The following CLVS2 variants were observed in gnomAD, a reference collection of about 807,000 sequenced individuals.
CLVS2 encodes clavesin-2.
In CLVS2, 19 loss-of-function variants were observed where a neutral mutation model predicts 29.0. The observed-to-expected ratio is 0.66, with a 90% CI of 0.46 to 0.96. The LOEUF (loss-of-function observed/expected upper bound fraction) is 0.96. Ranked by LOEUF, CLVS2 falls within the 40% of genes least tolerant of loss-of-function variation. CLVS2 has a pLI of 0.00. For synonymous variants in CLVS2, 161 were observed against 151.3 expected, an observed-to-expected ratio of 1.06 and a Z score of -0.47; for missense variants, 294 against 404.1, an observed-to-expected ratio of 0.73 and a Z score of 2.34.
At chr6:123,052,578 G>A (rs1368428477) in intron 4 of CLVS2, among the ~76,000 whole-genome samples, 1 of 152,162 alleles carries the variant, frequency 6.6e-6, no homozygotes, top group African/African-American at 2.4e-5. Flanking sequence ...ACACCTGAAA[G>A]GATAGTAGCT....
At chr6:123,037,410 T>C (rs976923155) in intron 3 of CLVS2, among the ~76,000 whole-genome samples, 1 of 152,170 alleles carries the variant, frequency 6.6e-6, no homozygotes, top group Non-Finnish European at 1.5e-5. Flanking sequence ...ACCCTGCCAG[T>C]ACTAACAGCT....
intron 3 of CLVS2, among the ~76,000 whole-genome samples, chr6:123,021,917 T>C (rs1049128651): frequency 6.6e-6 from 1 of 152,078 alleles, no homozygotes; most frequent in Non-Finnish European, 1.5e-5. Flanking sequence ...TATGTATCTT[T>C]CCTGGTTCTT....
In CLVS2 at chr6:123,071,050, C is replaced by T. The variant is rs754003972; in HGVS notation, c.*7289C>T. 8.6e-5 allele frequency: 13 copies of T among 151,900 alleles called. No homozygotes were observed. The highest frequency in any genetic ancestry group is 7.9e-4 in the Admixed American group (12 of 15,222). 9.4% of individuals were successfully genotyped at this position (151,900 alleles called of 1,614,324 possible). ...ATTTCCTCTCCATAGCATTTATCAC[C>T]TGATACACCATACAGATTATTTATT... is the stretch of plus-strand genomic sequence containing the variant. On this transcript the variant is annotated 3_prime_UTR_variant, in exon 6 of 6. Transcript: ENST00000275162.
chr6:123,028,442 T>C (rs1267392593), intron 3 of CLVS2, among the ~76,000 whole-genome samples: 1 of 152,184 alleles, frequency 6.6e-6, no homozygotes, highest in Non-Finnish European at 1.5e-5. Flanking sequence ...AGCGGATTGC[T>C]TGAGCCCAAA....
At position 123,047,554 on chromosome 6, in the gene CLVS2, C is replaced by A. The variant is rs560896593; in HGVS notation, c.565-1068C>A. ...TGCTCGTAAGTGTCCAAAATAAAAA[C>A]AAAATATTTTTATAGGGTTATGCCC... On this transcript the variant is annotated intron_variant, in intron 3 of 5. Transcript: ENST00000275162. 4.6e-5 allele frequency among the ~76,000 whole-genome samples: 7 copies of A among 152,110 alleles called. No individual in the cohort carries two copies. In the South Asian group the frequency reaches 1.5e-3, roughly 32 times the overall value.
In CLVS2 at chr6:122,996,704, G is replaced by T; in HGVS notation, c.-602G>T. 1 of 167,932 alleles carries T rather than the reference G, an allele frequency of 6.0e-6. No individual in the cohort carries two copies. 10.4% of individuals were successfully genotyped at this position (167,932 alleles called of 1,614,324 possible). A position where few individuals can be genotyped will look rare whatever the true frequency, so the allele number is the denominator to read the frequency against. On this transcript the variant is annotated 5_prime_UTR_variant, in exon 1 of 6. In the 5' UTR this introduces an upstream ATG that the reference lacks. Transcript: ENST00000275162. ...CTGAAGCCGCGGCTGATGGATGCCA[G>T]GGAGTGCCGCATTGCTTAGCGACCC...
chr6:123,057,864 C>G (rs144545285), intron 5 of CLVS2, among the ~76,000 whole-genome samples: 97 of 152,280 alleles, frequency 6.4e-4, no homozygotes, highest in African/African-American at 2.1e-3. Context: ...GATCTCTGCT[C>G]TCCTAAGGGG....
chr6:123,043,907 A>G (rs1481473811), intron 3 of CLVS2, among the ~76,000 whole-genome samples: 11 of 152,262 alleles, frequency 7.2e-5, no homozygotes, highest in Non-Finnish European at 1.6e-4. Flanking sequence ...ATAGTTAGAT[A>G]TGTGAGGCAA....
chr6:123,013,364 CAGTT>C (rs1246178763), intron 3 of CLVS2, among the ~76,000 whole-genome samples: 1 of 151,958 alleles, frequency 6.6e-6, no homozygotes, highest in African/African-American at 2.4e-5. Flanking sequence ...AAACCTCTTC[CAGTT>C]AGTCAGTAAA....
intron 3 of CLVS2, among the ~76,000 whole-genome samples, chr6:123,011,383 A>G (rs1218186538): frequency 1.3e-5 from 2 of 152,084 alleles, no homozygotes; most frequent in African/African-American, 4.8e-5. Context: ...CTAAACAAAT[A>G]CAGGTAATGA....
At chr6:123,049,789 G>T (rs1302865407) in intron 4 of CLVS2, among the ~76,000 whole-genome samples, 1 of 142,404 alleles carries the variant, frequency 7.0e-6, no homozygotes, top group East Asian at 2.0e-4. Flanking sequence ...TCACACACCG[G>T]GGCCTGTTGT....
In CLVS2 at chr6:123,063,765, C is replaced by G. The variant is rs1772813328; in HGVS notation, c.*4C>G. The G allele has an allele frequency of 6.4e-7, 1 of 1,574,650 alleles. No individual in the cohort carries two copies. Among genetic ancestry groups the G allele is most frequent in the Non-Finnish European group, 8.7e-7 (1 of 1,144,634 alleles). On this transcript the variant is annotated 3_prime_UTR_variant, in exon 6 of 6. Transcript: ENST00000275162. Reference sequence around the variant, plus strand: ...ACCATTGCTTTCTCTGGACTAATAACTTCTCTACATCCCCTTCATGGATTA... The same window carrying G: ...ACCATTGCTTTCTCTGGACTAATAAGTTCTCTACATCCCCTTCATGGATTA...
chr6:123,045,286 G>A (rs1171486133), intron 3 of CLVS2, among the ~76,000 whole-genome samples: 1 of 151,968 alleles, frequency 6.6e-6, no homozygotes, highest in East Asian at 1.9e-4. Flanking sequence ...TTAATACTGG[G>A]AGTTAGTGTT....
At chr6:123,062,737 T>C (rs1772796201) in intron 5 of CLVS2, among the ~76,000 whole-genome samples, 1 of 152,230 alleles carries the variant, frequency 6.6e-6, no homozygotes, top group Non-Finnish European at 1.5e-5. Flanking sequence ...TTATAGTCTT[T>C]TCAGAAGTTA....
chr6:123,049,224 A>G lies in CLVS2; in HGVS notation c.675+492A>G, dbSNP rs561140858. ...AGAATGCTAATGTGTGGAAATTTTA[A>G]TATTTCTTTAAATTATATGTTACTT... On this transcript the variant is annotated intron_variant, in intron 4 of 5. Coordinates refer to ENST00000275162, the MANE Select transcript of CLVS2 (RefSeq NM_001010852.4). Among the ~76,000 whole-genome samples the G allele has an allele frequency of 7.2e-5, 11 of 152,280 alleles. No individual in the cohort carries two copies. In the South Asian group the frequency reaches 2.1e-3, roughly 29 times the overall value.
At chr6:123,009,608 C>T (rs1451400391) in intron 2 of CLVS2, among the ~76,000 whole-genome samples, 1 of 152,034 alleles carries the variant, frequency 6.6e-6, no homozygotes, top group East Asian at 1.9e-4. Context: ...ATGATTTCGA[C>T]TCCTAATCCA....
chr6:123,001,334 A>G (rs1403840262), intron 2 of CLVS2, among the ~76,000 whole-genome samples: 1 of 152,182 alleles, frequency 6.6e-6, no homozygotes, highest in South Asian at 2.1e-4. Context: ...TTTGAGAGAC[A>G]TGGCATCATT....
chr6:123,044,173 C>T (rs1775275109), intron 3 of CLVS2, among the ~76,000 whole-genome samples: 1 of 152,182 alleles, frequency 6.6e-6, no homozygotes, highest in African/African-American at 2.4e-5. Context: ...CTTGGCTGCA[C>T]TCTTCCTGAT....
intron 3 of CLVS2, among the ~76,000 whole-genome samples, chr6:123,020,005 T>C (rs1472201478): frequency 6.6e-6 from 1 of 151,948 alleles, no homozygotes; most frequent in African/African-American, 2.4e-5. Context: ...ACAGATTGGA[T>C]GAAGCCTCTC....
Sources: allele counts gnomAD v4.1 joint callset (sites outside exome capture counted in the v4.1 genomes callset), GRCh38; gene constraint gnomAD v4.1.1; transcripts MANE v1.5; gene names NCBI Gene and HGNC (gene_info 2026-07-23, HGNC 2026-07-21).